The following CROCC2 variants were observed in gnomAD, a reference collection of about 807,000 sequenced individuals.
The protein encoded by CROCC2 is ciliary rootlet coiled-coil, rootletin family member 2, also known as ciliary rootlet coiled-coil protein 2.
In CROCC2, 163 loss-of-function variants were observed where a neutral mutation model predicts 177.6. The ratio of observed to expected loss-of-function variants is 0.92; its 90% CI spans 0.81 to 1.05. CROCC2 has a LOEUF of 1.05. CROCC2 is among the 50% of genes least tolerant of loss of function. The pLI, the probability that CROCC2 is intolerant of heterozygous loss-of-function variation, is 0.00. For missense variants in CROCC2, 1,929 were observed against 1,797.8 expected, an observed-to-expected ratio of 1.07 and a Z score of -1.32; for synonymous variants, 904 against 787.3, an observed-to-expected ratio of 1.15 and a Z score of -2.48.
chr2:240,980,101 C>G (rs2059788265), intron 27 of CROCC2, among the ~76,000 whole-genome samples: 3 of 70,120 alleles, frequency 4.3e-5, no homozygotes, highest in Admixed American at 3.0e-4. Context: ...CCAGGCTCAT[C>G]CCTGCTCAGT....
At chr2:240,933,941 TCTG>T (rs1319285049) in intron 11 of CROCC2, 89 bp downstream of exon 11, 104 of 1,373,716 alleles carry the variant, frequency 7.6e-5, no homozygotes, top group Non-Finnish European at 9.8e-5. Flanking sequence ...GGGCCACGGG[TCTG>T]CTTTTTCACC....
At position 240,950,504 on chromosome 2, in the gene CROCC2, G is replaced by T. The variant is rs1279894719; in HGVS notation, c.2823G>T (p.Met941Ile). Residue 941 changes from methionine to isoleucine, a missense_variant, in exon 18 of 32, where the codon ATG becomes ATT. Physicochemically the swap from Met to Ile is conservative, Grantham distance 10. This residue lies in a region of CROCC2 where 1,397 missense variants were observed against 1,239.9 expected (regional missense o/e 1.13). Coordinates refer to ENST00000690015, the MANE Select transcript of CROCC2 (RefSeq NM_001351305.2). ...DESLLQLEHK[M>I]QQALSLKETE... ...GCCTTCTCCAACTGGAGCACAAGAT[G>T]CAACAGGTGATGGTGAGGCTGGGGG... The T allele has an allele frequency of 6.5e-7, 1 of 1,549,282 alleles. No homozygotes were observed. The highest frequency in any genetic ancestry group is 8.7e-7 in the Non-Finnish European group (1 of 1,146,186).
chr2:240,983,917 C>G (rs868471707), intron 28 of CROCC2, among the ~76,000 whole-genome samples: 3 of 152,294 alleles, frequency 2.0e-5, no homozygotes, highest in South Asian at 4.1e-4. Context: ...GGAGATAGCC[C>G]CTCCCCAGGG....
chr2:240,964,709 C>T, intron 22 of CROCC2, 84 bp downstream of exon 22: 2 of 1,442,730 alleles, frequency 1.4e-6, no homozygotes, highest in Non-Finnish European at 1.8e-6. Context: ...AGCCCCCAGC[C>T]CTGGCCTTGC....
chr2:240,935,395 A>AG lies in CROCC2; in HGVS notation c.1977dup (p.Thr660AspfsTer102). ...CGGGACCAGCTGCGGGAACAGCGGA[A>AG]GACTCTGGAGCAGGAACGGGCCCGG... On this transcript the variant is annotated frameshift_variant, in exon 14 of 32. Coordinates refer to ENST00000690015, the MANE Select transcript of CROCC2 (RefSeq NM_001351305.2). LOFTEE classifies it high-confidence loss of function. 1 of 1,368,048 alleles carries AG rather than the reference A, an allele frequency of 7.3e-7. No homozygotes were observed. Among genetic ancestry groups the AG allele is most frequent in the South Asian group, 1.9e-5 (1 of 53,262 alleles). The allele number at this position is 1,368,048 out of a possible 1,614,324, so 84.7% of individuals were successfully genotyped here. A position where few individuals can be genotyped will look rare whatever the true frequency, so the allele number is the denominator to read the frequency against.
intron 26 of CROCC2, chr2:240,967,692 C>A: frequency 7.1e-6 from 4 of 566,306 alleles, no homozygotes; most frequent in Non-Finnish European, 9.0e-6. Context: ...GTCCACAGGC[C>A]CATCAGGGCC....
At chr2:240,952,702 A>G (rs1000938952) in intron 18 of CROCC2, among the ~76,000 whole-genome samples, 1 of 152,172 alleles carries the variant, frequency 6.6e-6, no homozygotes, top group Admixed American at 6.5e-5. Flanking sequence ...GCAGTGAGAG[A>G]GGTGTGCAGT....
Position 240,968,234 on chromosome 2 carries a change from C to A in CROCC2, c.4373C>A (p.Ala1458Glu), listed in dbSNP as rs946770189. 8 of 1,532,456 alleles carry A rather than the reference C, an allele frequency of 5.2e-6. No individual in the cohort carries two copies. The highest frequency in any genetic ancestry group is 7.0e-6 in the Non-Finnish European group (8 of 1,145,174). The allele number at this position is 1,532,456 out of a possible 1,614,324, so 94.9% of individuals were successfully genotyped here. ...LELEHLASVR[A>E]AGQEKRRLQE... ...TTGGAGCACCTGGCGAGCGTGCGTGCGGCAGGCCAGGAGAAGCGGCGGCTG... is the reference window on the plus strand; with the variant it reads ...TTGGAGCACCTGGCGAGCGTGCGTGAGGCAGGCCAGGAGAAGCGGCGGCTG... The change falls in exon 27 of 32, where the codon GCG (alanine) becomes GAG (glutamate). Residue 1458 changes from alanine (A) to glutamate (E), a missense_variant. By Grantham distance (107) the Ala-to-Glu change is moderately radical. Coordinates refer to ENST00000690015, the MANE Select transcript of CROCC2 (RefSeq NM_001351305.2).
rs1470809544 is a variant in CROCC2, at chr2:240,917,299, G to T, written c.79-1427G>T. On this transcript the variant is annotated intron_variant, in intron 1 of 31. Coordinates refer to ENST00000690015, the MANE Select transcript of CROCC2 (RefSeq NM_001351305.2). The surrounding 1 kb of genome is among the most constrained non-coding windows in gnomAD (Gnocchi z 4.9). Reference sequence around the variant, plus strand: ...TGCGGTGACTCTCCAACCCCGGCGAGGGGGGCCGCGATCTTTGGGGTGCAG... The same window carrying T: ...TGCGGTGACTCTCCAACCCCGGCGATGGGGGCCGCGATCTTTGGGGTGCAG... Among the ~76,000 whole-genome samples, 1 of 136,284 alleles carries T rather than the reference G, an allele frequency of 7.3e-6. No homozygotes were observed. Among genetic ancestry groups the T allele is most frequent in the Non-Finnish European group, 1.5e-5 (1 of 67,684 alleles). 89.4% of individuals were successfully genotyped at this position (136,284 alleles called of 152,430 possible).
intron 18 of CROCC2, among the ~76,000 whole-genome samples, chr2:240,952,055 C>T (rs2059559646): frequency 6.6e-6 from 1 of 152,122 alleles, no homozygotes; most frequent in South Asian, 2.1e-4. Flanking sequence ...GATGTTGGTA[C>T]AAATTACAGG....
At chr2:240,969,752 A>T (rs1405156027) in intron 27 of CROCC2, among the ~76,000 whole-genome samples, 2 of 152,138 alleles carry the variant, frequency 1.3e-5, no homozygotes, top group Non-Finnish European at 2.9e-5. Context: ...ATTTTTTGAG[A>T]TGGAGTCTCA....
intron 20 of CROCC2, among the ~76,000 whole-genome samples, chr2:240,962,030 G>A (rs111105559): frequency 5.8e-4 from 16 of 27,784 alleles, no homozygotes; most frequent in South Asian, 1.8e-3. Context: ...ACACACACAC[G>A]CACGCACACA....
Position 240,953,225 on chromosome 2 carries a change from C to T in CROCC2, c.2830-2634C>T, listed in dbSNP as rs774503802. Among the ~76,000 whole-genome samples the T allele has an allele frequency of 1.7e-4, 26 of 150,492 alleles. No homozygotes were observed. Among genetic ancestry groups the T allele is most frequent in the Non-Finnish European group, 3.1e-4 (21 of 67,934 alleles). Reference sequence around the variant, plus strand: ...AGGAGTTCAAGACCAGTGTGGCCAACATGGTGAAACCCCGTCTCTACTAAA... The same window carrying T: ...AGGAGTTCAAGACCAGTGTGGCCAATATGGTGAAACCCCGTCTCTACTAAA... On this transcript the variant is annotated intron_variant, in intron 18 of 31. Coordinates refer to ENST00000690015, the MANE Select transcript of CROCC2 (RefSeq NM_001351305.2). The surrounding 1 kb of genome is among the most constrained non-coding windows in gnomAD (Gnocchi z 4.0).
In CROCC2 at chr2:240,959,300, G is replaced by C; in HGVS notation, c.2944-1G>C. The C allele has an allele frequency of 6.5e-7, 1 of 1,550,120 alleles. No homozygotes were observed. Among genetic ancestry groups the C allele is most frequent in the Non-Finnish European group, 8.7e-7 (1 of 1,146,818 alleles). On this transcript the variant is annotated splice_acceptor_variant, in intron 19 of 31. Transcript: ENST00000690015. LOFTEE classifies it high-confidence loss of function. ...CACCGTGGGCTCCCTTCTCCCCGCA[G>C]GCCACCATCAGTGCCACGACTGAGG...
At chr2:240,965,301 G>A (rs1200991845) in intron 22 of CROCC2, 80 bp from the exon 23 acceptor site, 5 of 1,523,506 alleles carry the variant, frequency 3.3e-6, no homozygotes, top group Admixed American at 4.0e-5. Context: ...GGACGTGTGA[G>A]CGGAGGCAGG....
intron 6 of CROCC2, among the ~76,000 whole-genome samples, chr2:240,930,601 G>C (rs71428482): frequency 1.3e-3 from 193 of 152,248 alleles, no homozygotes; most frequent in Middle Eastern, 3.4e-3. Context: ...AGCCCTTGCT[G>C]GGTGCCACAC....
intron 23 of CROCC2, 32 bp from the exon 24 acceptor site, chr2:240,965,604 C>T: frequency 1.9e-6 from 3 of 1,549,896 alleles, no homozygotes; most frequent in East Asian, 2.4e-5. Flanking sequence ...CTCACTGTCT[C>T]CCACGGGCGC....
rs1157969372 is a variant in CROCC2 at position 240,963,673 on chromosome 2, C to T, written c.3205C>T (p.Arg1069Cys). The T allele has an allele frequency of 3.9e-6, 6 of 1,549,946 alleles. No individual in the cohort carries two copies. Among genetic ancestry groups the T allele is most frequent in the Non-Finnish European group, 5.2e-6 (6 of 1,146,782 alleles). Residue 1069 changes from arginine to cysteine, a missense_variant, in exon 21 of 32, where the codon CGC becomes TGC. Arg to Cys is a radical substitution (Grantham distance 180). This residue lies in a region of CROCC2 where 1,397 missense variants were observed against 1,239.9 expected (regional missense o/e 1.13). Transcript: ENST00000690015. The stretch of plus-strand genomic sequence containing the variant: ...GCTGCACAGGGAGGCCCAGGAGGCC[C>T]GCCGGGCGCTGAGTGACGAGGCCCG... ...EGLHREAQEA[R>C]RALSDEAREK...
At chr2:240,962,080 TCACA>T (rs549496278) in intron 20 of CROCC2, among the ~76,000 whole-genome samples, 5 of 89,386 alleles carry the variant, frequency 5.6e-5, no homozygotes, top group Non-Finnish European at 9.0e-5. Flanking sequence ...GCACTCACAC[TCACA>T]CACACACACA....
Sources: allele counts gnomAD v4.1 joint callset (sites outside exome capture counted in the v4.1 genomes callset), GRCh38; gene constraint gnomAD v4.1.1; regional missense constraint gnomAD v4.1.1; non-coding constraint Gnocchi (gnomAD v3.1); transcripts MANE v1.5; gene names NCBI Gene and HGNC (gene_info 2026-07-23, HGNC 2026-07-21).